The following WWOX variants were observed in gnomAD, a reference collection of about 807,000 sequenced individuals.
WWOX encodes the protein WW domain-containing oxidoreductase.
A neutral mutation model predicts 46.2 loss-of-function variants in WWOX; 69 were observed. The ratio of observed to expected loss-of-function variants is 1.49; its 90% CI spans 1.23 to 1.82. The LOEUF is 1.82. Ranked by LOEUF, WWOX falls within the 40% of genes most tolerant of loss-of-function variation. WWOX has a pLI of 0.00. For missense variants in WWOX, 919 were observed against 542.6 expected (o/e 1.69, Z -6.89); for synonymous variants, 359 against 202.6 (o/e 1.77, Z -6.56).
At chr16:78,630,349 G>C (rs954298182) in intron 8 of WWOX, among the ~76,000 whole-genome samples, 1 of 152,144 alleles carries the variant, frequency 6.6e-6, no homozygotes, top group Non-Finnish European at 1.5e-5. Context: ...TCCCAGATCA[G>C]ATAAAGATGG....
At chr16:78,519,516 A>T (rs1412081224) in intron 8 of WWOX, among the ~76,000 whole-genome samples, 1 of 151,784 alleles carries the variant, frequency 6.6e-6, no homozygotes, top group Non-Finnish European at 1.5e-5. Flanking sequence ...TTACATATGG[A>T]TATATAGACA....
At chr16:79,046,709 T>C (rs557321861) in intron 8 of WWOX, among the ~76,000 whole-genome samples, 9 of 152,296 alleles carry the variant, frequency 5.9e-5, no homozygotes, top group African/African-American at 2.2e-4. Context: ...TGGTAGATTC[T>C]TCCTGCAGCC....
intron 8 of WWOX, among the ~76,000 whole-genome samples, chr16:78,848,962 G>A (rs1269825923): frequency 2.0e-5 from 3 of 152,178 alleles, no homozygotes; most frequent in Non-Finnish European, 2.9e-5. Context: ...AGGGGTAAAG[G>A]TGCTGAAAAT....
chr16:79,211,601 T>C lies in WWOX; in HGVS notation c.1057-7T>C, dbSNP rs1170929076. ...ATTTTTTTTTGTCTTTCTTCTTGGA[T>C]TTCCAGCAACAGGGAGCTGCCACCA... is the stretch of plus-strand genomic sequence containing the variant. On this transcript the variant is annotated splice_region_variant and splice_polypyrimidine_tract_variant and intron_variant, in intron 8 of 8. Coordinates refer to ENST00000566780, the MANE Select transcript of WWOX (RefSeq NM_016373.4). 5 of 1,614,202 alleles carry C rather than the reference T, an allele frequency of 3.1e-6. No individual in the cohort carries two copies. The highest frequency in any genetic ancestry group is 4.2e-6 in the Non-Finnish European group (5 of 1,180,044).
intron 8 of WWOX, among the ~76,000 whole-genome samples, chr16:78,619,177 A>G (rs1294582220): frequency 5.9e-5 from 1 of 16,940 alleles, no homozygotes; most frequent in African/African-American, 2.5e-4. Context: ...ATATATATAT[A>G]TATATATATA....
At chr16:78,444,728 C>G (rs1399540149) in intron 8 of WWOX, among the ~76,000 whole-genome samples, 1 of 151,952 alleles carries the variant, frequency 6.6e-6, no homozygotes. Context: ...GACGAGGTTT[C>G]ACGGTGTTAG....
intron 8 of WWOX, among the ~76,000 whole-genome samples, chr16:78,475,702 T>G (rs2084334415): frequency 6.6e-6 from 1 of 152,180 alleles, no homozygotes. Context: ...TTCAAGTGAT[T>G]CTGATGTCTC....
intron 6 of WWOX, among the ~76,000 whole-genome samples, chr16:78,393,837 G>T (rs750953959): frequency 6.6e-5 from 10 of 150,744 alleles, no homozygotes; most frequent in African/African-American, 2.5e-4. Flanking sequence ...ATAGAACAGT[G>T]GTGTTTTTTT....
chr16:79,023,479 C>T (rs536100203), intron 8 of WWOX, among the ~76,000 whole-genome samples: 140 of 152,266 alleles, frequency 9.2e-4, no homozygotes, highest in Middle Eastern at 6.8e-3. Context: ...GTTCAGGTTA[C>T]ATCCAGGCTG....
At chr16:78,712,612 C>T (rs551071041) in intron 8 of WWOX, among the ~76,000 whole-genome samples, 1 of 151,996 alleles carries the variant, frequency 6.6e-6, no homozygotes, top group Non-Finnish European at 1.5e-5. Context: ...CTCTCAAAGA[C>T]ATTTTTCTGA....
At chr16:78,330,542 G>A (rs548241814) in intron 5 of WWOX, among the ~76,000 whole-genome samples, 77 of 152,152 alleles carry the variant, frequency 5.1e-4, no homozygotes, top group African/African-American at 1.7e-3. Flanking sequence ...GACTACAGGC[G>A]CATGCCACCA....
chr16:78,779,254 C>G lies in WWOX; in HGVS notation c.1056+346502C>G, dbSNP rs144456230. 1.4e-4 allele frequency among the ~76,000 whole-genome samples: 22 copies of G among 152,298 alleles called. No homozygotes were observed. The South Asian group carries it at 4.6e-3, about 32-fold the overall frequency. ...CTGCCTCCCTGGCTCAAGGGATCCT[C>G]CCATCTCAGCCTCCTGAGTAGCTGG... On this transcript the variant is annotated intron_variant, in intron 8 of 8. Coordinates refer to ENST00000566780, the MANE Select transcript of WWOX (RefSeq NM_016373.4).
At chr16:78,918,640 T>A (rs960933070) in intron 8 of WWOX, among the ~76,000 whole-genome samples, 10 of 152,208 alleles carry the variant, frequency 6.6e-5, no homozygotes, top group Non-Finnish European at 1.3e-4. Context: ...TTACTAATGA[T>A]AATAACAGTT....
chr16:78,442,063 G>A (rs2083456883), intron 8 of WWOX, among the ~76,000 whole-genome samples: 2 of 151,708 alleles, frequency 1.3e-5, no homozygotes, highest in East Asian at 3.9e-4. Context: ...CTTGAGCCTG[G>A]GAGTTGGAGG....
intron 8 of WWOX, among the ~76,000 whole-genome samples, chr16:79,191,555 G>A (rs1425284517): frequency 2.0e-5 from 3 of 152,236 alleles, no homozygotes; most frequent in Non-Finnish European, 4.4e-5. Context: ...GCTGGTCGAA[G>A]GTCCTGTGGG....
At chr16:79,066,323 C>T (rs753843968) in intron 8 of WWOX, among the ~76,000 whole-genome samples, 25 of 152,168 alleles carry the variant, frequency 1.6e-4, no homozygotes, top group Non-Finnish European at 3.2e-4. Flanking sequence ...ACCTGCTTTA[C>T]TCATGTACTT....
chr16:78,695,498 C>T (rs1169992509), intron 8 of WWOX, among the ~76,000 whole-genome samples: 1 of 152,144 alleles, frequency 6.6e-6, no homozygotes, highest in Non-Finnish European at 1.5e-5. Flanking sequence ...GTCATGGGGG[C>T]GGTTAGCTGA....
intron 5 of WWOX, among the ~76,000 whole-genome samples, chr16:78,255,209 C>G (rs2038095623): frequency 6.6e-6 from 1 of 152,156 alleles, no homozygotes; most frequent in African/African-American, 2.4e-5. Context: ...TCCCCCGTCC[C>G]CCTGCTGTCC....
chr16:78,490,480 C>G (rs1353656073), intron 8 of WWOX, among the ~76,000 whole-genome samples: 3 of 152,274 alleles, frequency 2.0e-5, no homozygotes, highest in East Asian at 1.9e-4. Flanking sequence ...TCCCGCAAAT[C>G]TATTTACGGT....
Sources: allele counts gnomAD v4.1 joint callset (sites outside exome capture counted in the v4.1 genomes callset), GRCh38; gene constraint gnomAD v4.1.1; transcripts MANE v1.5; gene names NCBI Gene and HGNC (gene_info 2026-07-23, HGNC 2026-07-21).